The following TYW1 variants were observed in gnomAD, a reference collection of about 807,000 sequenced individuals.
The protein encoded by TYW1 is S-adenosyl-L-methionine-dependent tRNA 4-demethylwyosine synthase TYW1.
In TYW1, 46 loss-of-function variants were observed where a neutral mutation model predicts 96.2. The ratio of observed to expected loss-of-function variants is 0.48; its 90% CI spans 0.38 to 0.61. The LOEUF is 0.61. Among genes scored for constraint, TYW1 ranks in the 20% least tolerant of loss-of-function variants. TYW1 has a pLI of 0.00. For synonymous variants in TYW1, 274 were observed against 323.0 expected (o/e 0.85, Z 1.63); for missense variants, 684 against 909.6 (o/e 0.75, Z 3.19).
intron 12 of TYW1, among the ~76,000 whole-genome samples, chr7:67,116,514 C>T (rs557024646): frequency 6.6e-6 from 1 of 152,012 alleles, no homozygotes; most frequent in South Asian, 2.1e-4. Flanking sequence ...AGTGGGACCC[C>T]TGTCTCTACA....
chr7:67,097,832 A>C (rs1220470122), intron 11 of TYW1, among the ~76,000 whole-genome samples: 4 of 151,104 alleles, frequency 2.6e-5, no homozygotes, highest in Non-Finnish European at 5.9e-5. Context: ...AGTTGGGACC[A>C]CAGACATGTG....
chr7:67,064,350 C>CATAT (rs1175417028), intron 9 of TYW1, among the ~76,000 whole-genome samples: 1 of 152,140 alleles, frequency 6.6e-6, no homozygotes, highest in Non-Finnish European at 1.5e-5. Flanking sequence ...GAGAGATAGA[C>CATAT]ATATAAATCA....
chr7:66,997,031 C>T (rs569142728), intron 1 of TYW1, 49 bp downstream of exon 1: 4 of 1,612,220 alleles, frequency 2.5e-6, no homozygotes, highest in East Asian at 4.5e-5. Context: ...GGGAGGTAAA[C>T]GTTTTACTGA....
intron 12 of TYW1, among the ~76,000 whole-genome samples, chr7:67,102,683 G>A (rs796812007): frequency 5.9e-5 from 9 of 151,560 alleles, no homozygotes; most frequent in African/African-American, 1.7e-4. Flanking sequence ...ATGGAGTCTC[G>A]CTCCGTCACC....
chr7:67,228,041 A>G (rs34237838), intron 15 of TYW1, among the ~76,000 whole-genome samples: 40,751 of 152,084 alleles, frequency 0.27, 5,822 homozygotes, highest in African/African-American at 0.36. Flanking sequence ...CTCGTTTCAC[A>G]GTTTCTCATT....
At chr7:67,087,843 C>A (rs13309976) in intron 11 of TYW1, among the ~76,000 whole-genome samples, 1 of 152,010 alleles carries the variant, frequency 6.6e-6, no homozygotes, top group Non-Finnish European at 1.5e-5. Context: ...CATTTGTTTT[C>A]TTTTTATTTT....
intron 13 of TYW1, among the ~76,000 whole-genome samples, chr7:67,162,430 T>C (rs1433972730): frequency 6.6e-6 from 1 of 152,144 alleles, no homozygotes; most frequent in Non-Finnish European, 1.5e-5. Context: ...CTTTGGGAAC[T>C]TGTAGATTGG....
chr7:67,231,434 T>C (rs927738022), intron 15 of TYW1, among the ~76,000 whole-genome samples: 8 of 152,210 alleles, frequency 5.3e-5, no homozygotes, highest in South Asian at 2.1e-4. Context: ...CTAAAGTTAC[T>C]CCTTCATTCA....
intron 13 of TYW1, among the ~76,000 whole-genome samples, chr7:67,153,939 T>TAA (rs1193099635): frequency 0.26 from 38,716 of 149,106 alleles, 5,497 homozygotes; most frequent in African/African-American, 0.38. Context: ...TTTTTTTTTT[T>TAA]TTTTTTGAGA....
intron 13 of TYW1, among the ~76,000 whole-genome samples, chr7:67,131,830 G>A (rs1468822710): frequency 6.6e-6 from 1 of 152,194 alleles, no homozygotes; most frequent in East Asian, 1.9e-4. Context: ...AAGTCCAAGA[G>A]TCCAAAAGCT....
intron 7 of TYW1, among the ~76,000 whole-genome samples, chr7:67,030,078 C>T (rs563289194): frequency 6.6e-6 from 1 of 152,158 alleles, no homozygotes; most frequent in Non-Finnish European, 1.5e-5. Context: ...GTGTGTTCCT[C>T]AACCAGGAAG....
At chr7:67,004,833 G>C (rs1366723630) in intron 3 of TYW1, among the ~76,000 whole-genome samples, 1 of 152,142 alleles carries the variant, frequency 6.6e-6, no homozygotes, top group Non-Finnish European at 1.5e-5. Flanking sequence ...TCAGCTCACT[G>C]CAACCTTTGC....
At chr7:67,107,082 C>T (rs1187786080) in intron 12 of TYW1, among the ~76,000 whole-genome samples, 1 of 152,172 alleles carries the variant, frequency 6.6e-6, no homozygotes, top group East Asian at 1.9e-4. Context: ...AACTGGATGT[C>T]TCTTTACGTA....
At chr7:67,179,866 T>TATATA (rs1271589667) in intron 13 of TYW1, among the ~76,000 whole-genome samples, 2 of 61,402 alleles carry the variant, frequency 3.3e-5, no homozygotes, top group Non-Finnish European at 6.8e-5. Flanking sequence ...TATATATATA[T>TATATA]TTTTTTTTTT....
At chr7:67,021,820 T>C (rs924129183) in intron 6 of TYW1, among the ~76,000 whole-genome samples, 10 of 152,210 alleles carry the variant, frequency 6.6e-5, no homozygotes, top group African/African-American at 2.2e-4. Context: ...ATTCTCGACA[T>C]GAGTCTTTCC....
At chr7:67,184,394 G>A (rs1405526297) in intron 14 of TYW1, among the ~76,000 whole-genome samples, 1 of 151,920 alleles carries the variant, frequency 6.6e-6, no homozygotes, top group Non-Finnish European at 1.5e-5. Flanking sequence ...GGGTTTGTTT[G>A]TATTTCAGGA....
chr7:67,106,022 CAGGT>C (rs1455698101), intron 12 of TYW1, among the ~76,000 whole-genome samples: 1 of 151,438 alleles, frequency 6.6e-6, no homozygotes, highest in Non-Finnish European at 1.5e-5. Flanking sequence ...CTCAGCCTCC[CAGGT>C]AGCTGGGATT....
At chr7:67,222,866 C>CTTTTTTTTTTTTTT (rs570972265) in intron 15 of TYW1, among the ~76,000 whole-genome samples, 1 of 109,630 alleles carries the variant, frequency 9.1e-6, no homozygotes, top group Non-Finnish European at 1.9e-5. Flanking sequence ...CGCTTTTTTT[C>CTTTTTTTTTTTTTT]TTTTTTTTTT....
In TYW1 at chr7:67,009,740, C is replaced by G. The variant is rs150209792; in HGVS notation, c.375+56C>G. 3.7e-4 allele frequency: 513 copies of G among 1,404,042 alleles called. 2 individuals are homozygous for G. In the African/African-American group the frequency reaches 6.5e-3, roughly 18 times the overall value. The allele number at this position is 1,404,042 out of a possible 1,614,324, so 87.0% of individuals were successfully genotyped here. On this transcript the variant is annotated intron_variant, in intron 4 of 15. Coordinates refer to ENST00000359626, the MANE Select transcript of TYW1 (RefSeq NM_018264.4). ...CTCTCAAATTTAACTGATCTGCAAT[C>G]TTCACAGTAAATTTAATTAGATAAC...
Sources: gnomAD v4.1 joint callset for allele counts (sites outside exome capture counted in the v4.1 genomes callset) on GRCh38, gnomAD v4.1.1 for gene constraint, MANE v1.5 for transcripts, NCBI Gene and HGNC (gene_info 2026-07-23, HGNC 2026-07-21) for gene names.